PCDHGB5: variants seen among roughly 807,000 people sequenced by gnomAD.
PCDHGB5 encodes the protein protocadherin gamma-B5.
In PCDHGB5, 48 loss-of-function variants were observed where a neutral mutation model predicts 62.9. The observed-to-expected ratio is 0.76, with a 90% CI of 0.61 to 0.97. The LOEUF (loss-of-function observed/expected upper bound fraction) is 0.97, where lower values mean the gene tolerates loss of function less well. PCDHGB5 is among the 50% of genes least tolerant of loss of function. The probability of loss-of-function intolerance (pLI) is 0.00; values close to 1 mark genes in which losing one functional copy is unlikely to be tolerated. For synonymous variants in PCDHGB5, 474 were observed against 511.2 expected, an observed-to-expected ratio of 0.93 and a Z score of 0.98; for missense variants, 1,118 against 1,198.6, an observed-to-expected ratio of 0.93 and a Z score of 0.99.
chr5:141,450,831 T>TATTA (rs761717068), intron 1 of PCDHGB5, among the ~76,000 whole-genome samples: 2 of 144,580 alleles, frequency 1.4e-5, no homozygotes, highest in South Asian at 2.2e-4. Flanking sequence ...TTATTATTAT[T>TATTA]TTTTTTTTTT....
In PCDHGB5 at chr5:141,485,076, G is replaced by A; in HGVS notation, c.2398-9731G>A. 2.1e-6 allele frequency: 2 copies of A among 944,586 alleles called. No homozygotes were observed. Among genetic ancestry groups the A allele is most frequent in the East Asian group, 2.4e-5 (1 of 41,508 alleles). The allele number at this position is 944,586 out of a possible 1,614,324, so 58.5% of individuals were successfully genotyped here. ...CCGAACCGCGCCAGAGCTGGCGCGG[G>A]GAAAGGGAGATAGGTGTCTCCAGCT... On this transcript the variant is annotated intron_variant, in intron 1 of 3. Coordinates refer to ENST00000617380, the MANE Select transcript of PCDHGB5 (RefSeq NM_018925.3). This position sits in a 1 kb window ranked among gnomAD's most constrained non-coding sequence, Gnocchi z 5.7.
In PCDHGB5 at chr5:141,400,051, G is replaced by A. The variant is rs1253013919; in HGVS notation, c.1924G>A (p.Val642Met). 6.2e-7 allele frequency: 1 copy of A among 1,613,762 alleles called. No homozygotes were observed. The highest frequency in any genetic ancestry group is 2.2e-5 in the East Asian group (1 of 44,886). Residue 642 changes from valine to methionine, a missense_variant, in exon 1 of 4, where the codon GTG becomes ATG. Around this residue, in one of 2 missense-constraint regions of PCDHGB5, gnomAD observed 1,034 missense variants for 1,029.1 expected, o/e 1.00. Transcript: ENST00000617380. ...GGCCCGCCAGCGCCTGCTGGTTGCT[G>A]TGCGTGATGGTGGACAGCCGCCACT... Reference protein sequence around the residue: ...DAARQRLLVAVRDGGQPPLSA... With the variant: ...DAARQRLLVAMRDGGQPPLSA...
intron 3 of PCDHGB5, among the ~76,000 whole-genome samples, chr5:141,507,645 G>A (rs565235954): frequency 6.6e-6 from 1 of 152,382 alleles, no homozygotes; most frequent in South Asian, 2.1e-4. Flanking sequence ...CTGAGGCCAG[G>A]AAGCAGCTTT....
chr5:141,419,968 T>G lies in PCDHGB5; in HGVS notation c.2397+19444T>G, dbSNP rs766617414. ...CCTTGGCCTTGATTTCTGTGCTCTT[T>G]CTCCTCGCGGTGATTCTAGCTATTG... is the stretch of plus-strand genomic sequence containing the variant. On this transcript the variant is annotated intron_variant, in intron 1 of 3. Transcript: ENST00000617380. The G allele has an allele frequency of 6.2e-6, 10 of 1,614,036 alleles. No homozygotes were observed. The South Asian group carries it at 1.1e-4, about 18-fold the overall frequency.
Position 141,483,648 on chromosome 5 carries a change from T to TTGTG in PCDHGB5, c.2398-11141_2398-11138dup, listed in dbSNP as rs111458813. ...GGAGAAGGTATAGAGGGGTGTGTGTTTGTGTGTGTGTGTGTGTGTGTAAAA... is the reference window on the plus strand; with the variant it reads ...GGAGAAGGTATAGAGGGGTGTGTGTTTGTGTGTGTGTGTGTGTGTGTGTGTAAAA... On this transcript the variant is annotated intron_variant, in intron 1 of 3. Coordinates refer to ENST00000617380, the MANE Select transcript of PCDHGB5 (RefSeq NM_018925.3). Among the ~76,000 whole-genome samples, 501 of 149,686 alleles carry TTGTG rather than the reference T, an allele frequency of 3.3e-3. 2 individuals are homozygous for TTGTG. Among genetic ancestry groups the TTGTG allele is most frequent in the African/African-American group, 7.3e-3 (297 of 40,842 alleles).
At chr5:141,456,204 C>A (rs867187371) in intron 1 of PCDHGB5, among the ~76,000 whole-genome samples, 17 of 152,222 alleles carry the variant, frequency 1.1e-4, no homozygotes, top group South Asian at 2.1e-4. Context: ...CTACCACATT[C>A]CTCCCTGTGG....
chr5:141,490,399 C>T lies in PCDHGB5; in HGVS notation c.2398-4408C>T. The T allele has an allele frequency of 1.2e-6, 2 of 1,614,148 alleles. No homozygotes were observed. Among genetic ancestry groups the T allele is most frequent in the Non-Finnish European group, 1.7e-6 (2 of 1,180,016 alleles). On this transcript the variant is annotated intron_variant, in intron 1 of 3. Transcript: ENST00000617380. This position sits in a 1 kb window ranked among gnomAD's most constrained non-coding sequence, Gnocchi z 5.4. ...CTCAGGTAGAAATGGTGAAGTGAGC[C>T]TTGATATCTCTCCGGACCTGCCATT... is the stretch of plus-strand genomic sequence containing the variant.
Position 141,399,960 on chromosome 5 carries a change from G to T in PCDHGB5, c.1833G>T (p.Gly611=). The T allele has an allele frequency of 6.2e-7, 1 of 1,612,214 alleles. No individual in the cohort carries two copies. Among genetic ancestry groups the T allele is most frequent in the Non-Finnish European group, 8.5e-7 (1 of 1,179,704 alleles). Residue 611 remains glycine, a synonymous_variant, in exon 1 of 4, where the codon GGG becomes GGT. Transcript: ENST00000617380. Reference sequence around the variant, plus strand: ...ACGTGCTGCAGGCTAGCGAGCCCGGGCTCTTCAGCCTGGGGCTGCGCACAG... The same window carrying T: ...ACGTGCTGCAGGCTAGCGAGCCCGGTCTCTTCAGCCTGGGGCTGCGCACAG... ...SYHVLQASEP[G]LFSLGLRTGE...
Position 141,476,279 on chromosome 5 carries a change from G to T in PCDHGB5, c.2398-18528G>T. The T allele has an allele frequency of 6.2e-7, 1 of 1,614,148 alleles. No individual in the cohort carries two copies. Among genetic ancestry groups the T allele is most frequent in the Non-Finnish European group, 8.5e-7 (1 of 1,180,024 alleles). On this transcript the variant is annotated intron_variant, in intron 1 of 3. Coordinates refer to ENST00000617380, the MANE Select transcript of PCDHGB5 (RefSeq NM_018925.3). This position sits in a 1 kb window ranked among gnomAD's most constrained non-coding sequence, Gnocchi z 7.6. ...TGTGGGCAACGTGGTCGCGAACCTT[G>T]GTTTGGATCTCGGTAGCCTCTCAGC...
In PCDHGB5 at chr5:141,489,180, CTGGGTCTACCT is replaced by C. The variant is rs906371381; in HGVS notation, c.2398-5623_2398-5613del. 6.3e-5 allele frequency: 79 copies of C among 1,259,748 alleles called. No individual in the cohort carries two copies. The African/African-American group carries it at 9.3e-4, about 15-fold the overall frequency. 78.0% of individuals were successfully genotyped at this position (1,259,748 alleles called of 1,614,324 possible). ...GACTTCAGCTGCTGCATTCCAAGCCCTGGGTCTACCTTGGAGACAGGACAGCACAGACTTAC... is the reference window on the plus strand; with the variant it reads ...GACTTCAGCTGCTGCATTCCAAGCCCTGGAGACAGGACAGCACAGACTTAC... On this transcript the variant is annotated intron_variant, in intron 1 of 3. Coordinates refer to ENST00000617380, the MANE Select transcript of PCDHGB5 (RefSeq NM_018925.3). This position sits in a 1 kb window ranked among gnomAD's most constrained non-coding sequence, Gnocchi z 4.5.
intron 1 of PCDHGB5, chr5:141,420,902 A>T (rs1202945278): frequency 3.4e-6 from 1 of 293,976 alleles, no homozygotes; most frequent in Non-Finnish European, 6.3e-6. Context: ...TAAGCTCTAC[A>T]AATACGTGTG....
At chr5:141,446,657 A>G (rs2098510367) in intron 1 of PCDHGB5, among the ~76,000 whole-genome samples, 1 of 152,092 alleles carries the variant, frequency 6.6e-6, no homozygotes, top group African/African-American at 2.4e-5. Context: ...TTGTATTTTT[A>G]GTACAAGACA....
Position 141,485,665 on chromosome 5 carries a change from C to G in PCDHGB5, c.2398-9142C>G. ...AGGCTCAGGATGCAGATGTGGGGAG[C>G]AATTCGATTAGCAGCTATAGGCTGA... On this transcript the variant is annotated intron_variant, in intron 1 of 3. Coordinates refer to ENST00000617380, the MANE Select transcript of PCDHGB5 (RefSeq NM_018925.3). This position sits in a 1 kb window ranked among gnomAD's most constrained non-coding sequence, Gnocchi z 5.7. 1 of 1,612,622 alleles carries G rather than the reference C, an allele frequency of 6.2e-7. No individual in the cohort carries two copies.
At chr5:141,479,685 G>C (rs749895405) in intron 1 of PCDHGB5, 2 of 152,130 alleles carry the variant, frequency 1.3e-5, no homozygotes, top group Non-Finnish European at 2.9e-5. Context: ...AGTCTTTTTG[G>C]TGCCTCCAGT....
intron 1 of PCDHGB5, chr5:141,468,330 C>CAAAAAAAAAAAAAAAAGAAAAAAAAAAA (rs2099163578): frequency 1.3e-5 from 1 of 79,888 alleles, no homozygotes; most frequent in African/African-American, 3.9e-5. Flanking sequence ...AACTCCATCT[C>CAAAAAAAAAAAAAAAAGAAAAAAAAAAA]AAAAAAAAAA....
At chr5:141,418,621 C>G (rs765634746) in intron 1 of PCDHGB5, 2 of 1,613,916 alleles carry the variant, frequency 1.2e-6, no homozygotes, top group Non-Finnish European at 1.7e-6. Flanking sequence ...TTCGGGAAGA[C>G]GTGCCTCCAG....
At chr5:141,461,388 A>T (rs1025976806) in intron 1 of PCDHGB5, among the ~76,000 whole-genome samples, 5 of 152,164 alleles carry the variant, frequency 3.3e-5, no homozygotes, top group Admixed American at 6.5e-5. Context: ...CCTGATGATT[A>T]GCGATGTTGA....
rs2099605485 is a variant in PCDHGB5 at position 141,485,030 on chromosome 5, G to A, written c.2398-9777G>A. 1 of 674,340 alleles carries A rather than the reference G, an allele frequency of 1.5e-6. No individual in the cohort carries two copies. Among genetic ancestry groups the A allele is most frequent in the East Asian group, 2.6e-5 (1 of 38,292 alleles). The allele number at this position is 674,340 out of a possible 1,614,324, so 41.8% of individuals were successfully genotyped here. A position where few individuals can be genotyped will look rare whatever the true frequency, so the allele number is the denominator to read the frequency against. ...CTACCCCGCCACCAGCAAAAACGGC[G>A]CGTAACCCTTGCGGCGCCGGCCGAA... On this transcript the variant is annotated intron_variant, in intron 1 of 3. Transcript: ENST00000617380. The surrounding 1 kb of genome is among the most constrained non-coding windows in gnomAD (Gnocchi z 5.7).
In PCDHGB5 at chr5:141,511,032, G is replaced by C. The variant is rs779589499; in HGVS notation, c.2631G>C (p.Gln877His). Residue 877 changes from glutamine to histidine, a missense_variant, in exon 4 of 4, where the codon CAG (glutamine) becomes CAC (histidine). Gln to His is a conservative substitution (Grantham distance 24). Coordinates refer to ENST00000617380, the MANE Select transcript of PCDHGB5 (RefSeq NM_018925.3). ...SARYGPQFTL[Q>H]HVPDYRQNVY... ...GCTACGGACCCCAGTTCACCCTGCA[G>C]CACGTGCCCGACTACCGCCAGAATG... 6.2e-7 allele frequency: 1 copy of C among 1,614,228 alleles called. No individual in the cohort carries two copies. The highest frequency in any genetic ancestry group is 8.5e-7 in the Non-Finnish European group (1 of 1,180,036).
Sources: gnomAD v4.1 joint callset for allele counts (sites outside exome capture counted in the v4.1 genomes callset) on GRCh38, gnomAD v4.1.1 for gene constraint, gnomAD v4.1.1 regional missense constraint, Gnocchi (gnomAD v3.1) non-coding constraint, MANE v1.5 for transcripts, NCBI Gene and HGNC (gene_info 2026-07-23, HGNC 2026-07-21) for gene names.